Variants in SUGCT observed in about 807,000 individuals in gnomAD.
The protein encoded by SUGCT is succinyl-CoA:glutarate-CoA transferase.
Under a neutral mutation model 55.0 loss-of-function variants are expected in SUGCT, and 41 were observed. That is an observed-to-expected ratio of 0.74 (90% CI 0.58 to 0.97). The LOEUF (loss-of-function observed/expected upper bound fraction) is 0.97. SUGCT is among the 50% of genes least tolerant of loss of function. The pLI is 0.00. For synonymous variants in SUGCT, 187 were observed against 200.4 expected (o/e 0.93, Z 0.56); for missense variants, 568 against 547.8 (o/e 1.04, Z -0.37).
intron 9 of SUGCT, among the ~76,000 whole-genome samples, chr7:40,369,103 TA>T (rs549369289): frequency 0.015 from 2,116 of 142,174 alleles, 32 homozygotes; most frequent in African/African-American, 0.038. Flanking sequence ...GACTCTATCT[TA>T]AAAAAAAAAA....
chr7:40,149,441 T>C (rs1788432367), intron 1 of SUGCT, among the ~76,000 whole-genome samples: 1 of 152,218 alleles, frequency 6.6e-6, no homozygotes, highest in South Asian at 2.1e-4. Context: ...TACCTCCTTC[T>C]TGTCTGGGGA....
chr7:40,751,264 G>A (rs927813250), intron 13 of SUGCT, among the ~76,000 whole-genome samples: 4 of 152,120 alleles, frequency 2.6e-5, no homozygotes, highest in African/African-American at 4.8e-5. Flanking sequence ...GAAAGGTGGG[G>A]AAGTGGGGCA....
the SUGCT span, among the ~76,000 whole-genome samples, chr7:41,015,677 A>G: frequency 1.3e-5 from 2 of 152,302 alleles, no homozygotes; most frequent in East Asian, 3.9e-4. Flanking sequence ...TGAGGTAATG[A>G]AACTTTCTAT....
the SUGCT span, among the ~76,000 whole-genome samples, chr7:40,997,731 T>C: frequency 1.3e-5 from 2 of 152,206 alleles, no homozygotes; most frequent in African/African-American, 2.4e-5. Flanking sequence ...CTTCCTAAGC[T>C]CTCAGATCCT....
chr7:40,596,443 C>T (rs900003369), intron 12 of SUGCT, among the ~76,000 whole-genome samples: 1 of 152,156 alleles, frequency 6.6e-6, no homozygotes, highest in Non-Finnish European at 1.5e-5. Context: ...TTGAATATTA[C>T]TGCTGCAATG....
chr7:40,417,438 T>C (rs973581874), intron 9 of SUGCT, among the ~76,000 whole-genome samples: 2 of 151,768 alleles, frequency 1.3e-5, no homozygotes, highest in Non-Finnish European at 2.9e-5. Context: ...GTAATAGCAG[T>C]TTTCTTTTAT....
chr7:40,263,774 C>A (rs114891002), intron 7 of SUGCT, among the ~76,000 whole-genome samples: 2 of 152,158 alleles, frequency 1.3e-5, no homozygotes, highest in African/African-American at 4.8e-5. Context: ...GTTACATTTT[C>A]CCTTGAGTTG....
chr7:40,870,065 A>C, the SUGCT span, among the ~76,000 whole-genome samples: 1 of 152,150 alleles, frequency 6.6e-6, no homozygotes, highest in African/African-American at 2.4e-5. Flanking sequence ...TTTTGGGGAA[A>C]TATTCTGAGA....
At chr7:40,694,180 G>A (rs570126272) in intron 12 of SUGCT, among the ~76,000 whole-genome samples, 62 of 150,740 alleles carry the variant, frequency 4.1e-4, no homozygotes, top group African/African-American at 1.4e-3. Flanking sequence ...TCTGTCAAAG[G>A]CCCCAAGTGT....
the SUGCT span, among the ~76,000 whole-genome samples, chr7:40,903,975 T>G: frequency 6.6e-6 from 1 of 152,198 alleles, no homozygotes; most frequent in Non-Finnish European, 1.5e-5. Context: ...AAGGCAGTAC[T>G]GGATGGCCGC....
At chr7:40,426,328 G>A (rs377001783) in intron 9 of SUGCT, among the ~76,000 whole-genome samples, 26 of 152,086 alleles carry the variant, frequency 1.7e-4, no homozygotes, top group Admixed American at 5.2e-4. Flanking sequence ...TGGTATATGC[G>A]TGTCAGCTGG....
At chr7:40,489,138 A>AT (rs1012881773) in intron 11 of SUGCT, among the ~76,000 whole-genome samples, 12 of 145,072 alleles carry the variant, frequency 8.3e-5, no homozygotes, top group African/African-American at 1.5e-4. Context: ...AGCATTCTTC[A>AT]TTTTTTTTTC....
chr7:40,969,049 C>T, the SUGCT span, among the ~76,000 whole-genome samples: 1 of 152,346 alleles, frequency 6.6e-6, no homozygotes, highest in African/African-American at 2.4e-5. Context: ...ACTCAGGGCA[C>T]TGTGGGTGTC....
At chr7:40,283,715 T>G (rs1220540691) in intron 8 of SUGCT, among the ~76,000 whole-genome samples, 1 of 152,168 alleles carries the variant, frequency 6.6e-6, no homozygotes, top group Non-Finnish European at 1.5e-5. Context: ...CCTTACACAC[T>G]ATTAGTGGGA....
the SUGCT span, among the ~76,000 whole-genome samples, chr7:40,881,967 A>G: frequency 6.6e-6 from 1 of 152,212 alleles, no homozygotes; most frequent in African/African-American, 2.4e-5. Context: ...GGAAATCAAC[A>G]TTGGCTCTAA....
At chr7:40,688,459 A>G (rs945079233) in intron 12 of SUGCT, among the ~76,000 whole-genome samples, 4 of 152,294 alleles carry the variant, frequency 2.6e-5, no homozygotes, top group Non-Finnish European at 5.9e-5. Flanking sequence ...CTAAGATACC[A>G]TGTAATAGTA....
chr7:40,750,027 A>G (rs958912014), intron 13 of SUGCT, among the ~76,000 whole-genome samples: 1 of 152,220 alleles, frequency 6.6e-6, no homozygotes, highest in Non-Finnish European at 1.5e-5. Flanking sequence ...AAGTTGATTC[A>G]TACTAAACCA....
At chr7:40,788,613 C>T (rs1035534155) in intron 13 of SUGCT, among the ~76,000 whole-genome samples, 1 of 152,218 alleles carries the variant, frequency 6.6e-6, no homozygotes, top group African/African-American at 2.4e-5. Flanking sequence ...TTACTGTTCT[C>T]TTCAGATGGA....
chr7:40,347,454 T>C (rs59070247), intron 9 of SUGCT, among the ~76,000 whole-genome samples: 2,322 of 152,268 alleles, frequency 0.015, 49 homozygotes, highest in South Asian at 0.06. Flanking sequence ...TTATTTAGCT[T>C]GAGAGATGTC....
Sources: gnomAD v4.1 joint callset for allele counts (sites outside exome capture counted in the v4.1 genomes callset) on GRCh38, gnomAD v4.1.1 for gene constraint, MANE v1.5 for transcripts, NCBI Gene and HGNC (gene_info 2026-07-23, HGNC 2026-07-21) for gene names.